The following LINGO2 variants were observed in gnomAD, a reference collection of about 807,000 sequenced individuals.
The protein encoded by LINGO2 is leucine-rich repeat and immunoglobulin-like domain-containing nogo receptor-interacting protein 2.
Under a neutral mutation model 30.6 loss-of-function variants are expected in LINGO2, and 14 were observed. That is an observed-to-expected ratio of 0.46 (90% CI 0.30 to 0.72). The LOEUF (loss-of-function observed/expected upper bound fraction) is 0.72. Ranked by LOEUF, LINGO2 falls within the 30% of genes least tolerant of loss-of-function variation. LINGO2 has a pLI of 0.07. For missense variants in LINGO2, 729 were observed against 751.7 expected, an observed-to-expected ratio of 0.97 and a Z score of 0.35; for synonymous variants, 317 against 288.5, an observed-to-expected ratio of 1.10 and a Z score of -1.00.
At chr9:28,983,124 G>C in the LINGO2 span, among the ~76,000 whole-genome samples, 2 of 151,916 alleles carry the variant, frequency 1.3e-5, no homozygotes, top group South Asian at 4.1e-4. Flanking sequence ...AACGCTATCT[G>C]TGTGCCATGT....
intron 1 of LINGO2, among the ~76,000 whole-genome samples, chr9:28,516,139 T>C (rs562624011): frequency 1.2e-4 from 19 of 152,236 alleles, no homozygotes; most frequent in Non-Finnish European, 2.5e-4. Flanking sequence ...ATAGACTATG[T>C]TATACTATAA....
In LINGO2 at chr9:28,184,060, T is replaced by A. The variant is rs555821586; in HGVS notation, c.-87+111148A>T. 4.1e-4 allele frequency among the ~76,000 whole-genome samples: 63 copies of A among 152,264 alleles called. No homozygotes were observed. The South Asian group carries it at 0.01, about 25-fold the overall frequency. ...CAATTGGTTCATTGGAGGAAAATTA[T>A]TGACCATCTTGTTGCTGGATTAAAG... On this transcript the variant is annotated intron_variant, in intron 4 of 5. Coordinates refer to ENST00000379992, the Ensembl canonical transcript of LINGO2.
the LINGO2 span, among the ~76,000 whole-genome samples, chr9:29,009,325 T>C: frequency 7.9e-5 from 12 of 152,122 alleles, no homozygotes; most frequent in Non-Finnish European, 1.5e-4. Flanking sequence ...TGATAAGCAA[T>C]TTCAGCAAAG....
chr9:28,377,191 C>T (rs1821163001), intron 2 of LINGO2, among the ~76,000 whole-genome samples: 1 of 152,016 alleles, frequency 6.6e-6, no homozygotes, highest in Non-Finnish European at 1.5e-5. Flanking sequence ...GCCTGCTTCC[C>T]CTTCCACCTC....
At chr9:28,746,044 T>C in the LINGO2 span, among the ~76,000 whole-genome samples, 1 of 152,104 alleles carries the variant, frequency 6.6e-6, no homozygotes, top group East Asian at 1.9e-4. Flanking sequence ...TTTTGACAAA[T>C]TATTAATAGT....
intron 4 of LINGO2, among the ~76,000 whole-genome samples, chr9:28,110,895 C>T (rs760449898): frequency 3.9e-5 from 6 of 152,070 alleles, no homozygotes; most frequent in Non-Finnish European, 5.9e-5. Flanking sequence ...GGTATATACA[C>T]AAAGGATTAT....
intron 4 of LINGO2, among the ~76,000 whole-genome samples, chr9:28,047,360 A>ATCTAGCTATATTC (rs1238497502): frequency 1.0e-3 from 159 of 151,586 alleles, no homozygotes; most frequent in South Asian, 2.1e-3. Context: ...GTCATACTGT[A>ATCTAGCTATATTC]TGAAAGATCT....
chr9:28,499,745 T>C (rs1387177653), intron 1 of LINGO2, among the ~76,000 whole-genome samples: 2 of 152,174 alleles, frequency 1.3e-5, no homozygotes, highest in Non-Finnish European at 1.5e-5. Context: ...TTATTCCCAC[T>C]GAAAAGCCAT....
chr9:28,887,289 A>C, the LINGO2 span, among the ~76,000 whole-genome samples: 6 of 151,860 alleles, frequency 4.0e-5, no homozygotes, highest in African/African-American at 1.5e-4. Context: ...TTTTTTCTCT[A>C]GTTATTGAAA....
the LINGO2 span, among the ~76,000 whole-genome samples, chr9:29,080,562 C>T: frequency 2.0e-5 from 3 of 152,088 alleles, no homozygotes; most frequent in Non-Finnish European, 2.9e-5. Context: ...ATCTTTCCTG[C>T]TTTCTCTTGT....
At chr9:29,204,073 C>A in the LINGO2 span, among the ~76,000 whole-genome samples, 1 of 152,032 alleles carries the variant, frequency 6.6e-6, no homozygotes, top group East Asian at 1.9e-4. Flanking sequence ...TAGAAGAATG[C>A]AGATGATGAT....
intron 1 of LINGO2, among the ~76,000 whole-genome samples, chr9:28,528,989 T>C (rs958664051): frequency 2.0e-5 from 3 of 152,156 alleles, no homozygotes; most frequent in Admixed American, 2.0e-4. Context: ...CAGGAATAGT[T>C]CCCTGGTATT....
chr9:28,438,829 T>TATATATATATATATATATATAATGAG (rs1479017943), intron 2 of LINGO2, among the ~76,000 whole-genome samples: 110 of 133,622 alleles, frequency 8.2e-4, no homozygotes, highest in Non-Finnish European at 2.5e-4. Context: ...AATATATACA[T>TATATATATATATATATATATAATGAG]ATATATATAT....
chr9:28,698,807 C>G, the LINGO2 span, among the ~76,000 whole-genome samples: 1 of 151,872 alleles, frequency 6.6e-6, no homozygotes, highest in Admixed American at 6.6e-5. Flanking sequence ...TTTGGGAGTC[C>G]AAGACTGGAG....
chr9:28,235,771 A>G (rs1185093835), intron 4 of LINGO2, among the ~76,000 whole-genome samples: 3 of 152,216 alleles, frequency 2.0e-5, no homozygotes, highest in Non-Finnish European at 4.4e-5. Context: ...AAAACAGGCT[A>G]TTTGAAATTG....
intron 4 of LINGO2, among the ~76,000 whole-genome samples, chr9:28,093,490 T>G (rs191471578): frequency 8.1e-4 from 124 of 152,218 alleles, no homozygotes; most frequent in Admixed American, 1.4e-3. Flanking sequence ...CTGTATTTAG[T>G]GTGGCAATTA....
intron 1 of LINGO2, among the ~76,000 whole-genome samples, chr9:28,510,232 G>T (rs1820315742): frequency 6.6e-6 from 1 of 152,126 alleles, no homozygotes; most frequent in Non-Finnish European, 1.5e-5. Context: ...AACTCCTCAT[G>T]CAATTGAAAA....
At chr9:28,699,227 T>C in the LINGO2 span, among the ~76,000 whole-genome samples, 30 of 152,118 alleles carry the variant, frequency 2.0e-4, no homozygotes, top group African/African-American at 6.7e-4. Context: ...TCCACTATTA[T>C]AATATCATAT....
At position 28,560,603 on chromosome 9, in the gene LINGO2, G is replaced by A. The variant is rs184596590; in HGVS notation, c.-364-84578C>T. Among the ~76,000 whole-genome samples, 406 of 152,016 alleles carry A rather than the reference G, an allele frequency of 2.7e-3. 2 individuals carry two copies. The highest frequency in any genetic ancestry group is 5.2e-3 in the South Asian group (25 of 4,822). On this transcript the variant is annotated intron_variant, in intron 1 of 5. Coordinates refer to ENST00000379992, the Ensembl canonical transcript of LINGO2. ...AGACTAGCAGGCATTATTTGGGTGT[G>A]ATTATATATATATTTGAGTCTTTAT...
Sources: gnomAD v4.1 joint callset for allele counts (sites outside exome capture counted in the v4.1 genomes callset) on GRCh38, gnomAD v4.1.1 for gene constraint, MANE v1.5 for transcripts, NCBI Gene and HGNC (gene_info 2026-07-23, HGNC 2026-07-21) for gene names.